Variants in SORCS3 observed in about 807,000 individuals in gnomAD.
The protein encoded by SORCS3 is sortilin related VPS10 domain containing receptor 3, also known as VPS10 domain-containing receptor SorCS3.
A neutral mutation model predicts 146.3 loss-of-function variants in SORCS3; 57 were observed. That is an observed-to-expected ratio of 0.39 (90% confidence interval 0.31 to 0.49). The LOEUF is 0.49. Ranked by LOEUF, SORCS3 falls within the 20% of genes least tolerant of loss-of-function variation. The probability of loss-of-function intolerance (pLI) is 0.92; values close to 1 mark genes in which losing one functional copy is unlikely to be tolerated. For missense variants in SORCS3, 1,341 were observed against 1,575.5 expected (o/e 0.85, Z 2.52); for synonymous variants, 653 against 618.5 (o/e 1.06, Z -0.83).
chr10:104,826,113 C>T (rs1020585030), intron 1 of SORCS3, among the ~76,000 whole-genome samples: 14 of 152,168 alleles, frequency 9.2e-5, no homozygotes, highest in Non-Finnish European at 1.0e-4. Context: ...TTCCTACTTG[C>T]ATGAGCGGGA....
chr10:104,697,711 A>C, intron 1 of SORCS3, among the ~76,000 whole-genome samples: 1 of 152,152 alleles, frequency 6.6e-6, no homozygotes, highest in Non-Finnish European at 1.5e-5. Context: ...TTCTGGCTTT[A>C]CATGACAAGG....
In SORCS3 at chr10:105,175,729, A is replaced by AT. The variant is rs527465134; in HGVS notation, c.1902-2330dup. Among the ~76,000 whole-genome samples the AT allele has an allele frequency of 1.1e-4, 16 of 152,156 alleles. 1 individual carries two copies. In the South Asian group the frequency reaches 1.4e-3, roughly 14 times the overall value. On this transcript the variant is annotated intron_variant, in intron 13 of 26. Transcript: ENST00000369701. Reference sequence around the variant, plus strand: ...TAAATGATTATTTAGCCTTCAATATATTTTTTTAAAAGGCTGAAATAATCA... The same window carrying AT: ...TAAATGATTATTTAGCCTTCAATATATTTTTTTTAAAAGGCTGAAATAATCA...
At chr10:104,940,399 C>A in intron 3 of SORCS3, among the ~76,000 whole-genome samples, 1 of 113,344 alleles carries the variant, frequency 8.8e-6, no homozygotes, top group Admixed American at 9.1e-5. Context: ...CCCCTCCCCC[C>A]ACCCCACAAC....
intron 4 of SORCS3, among the ~76,000 whole-genome samples, chr10:104,989,311 G>T (rs1313018213): frequency 2.6e-5 from 4 of 152,178 alleles, no homozygotes; most frequent in Non-Finnish European, 5.9e-5. Flanking sequence ...CAGATTATGC[G>T]AAGAATGGCA....
At chr10:105,217,712 G>A in intron 19 of SORCS3, 1 of 431,146 alleles carries the variant, frequency 2.3e-6, no homozygotes, top group Non-Finnish European at 4.7e-6. Flanking sequence ...CATTGCTATT[G>A]GCTGTTGCTT....
intron 16 of SORCS3, among the ~76,000 whole-genome samples, chr10:105,207,931 T>A (rs2056612364): frequency 6.6e-6 from 1 of 152,100 alleles, no homozygotes. Context: ...TTACCAGTAA[T>A]CCCTAGGGTT....
chr10:105,255,170 C>CAG lies in SORCS3; in HGVS notation c.3238-531_3238-530dup, dbSNP rs1165000047. 3.3e-5 allele frequency among the ~76,000 whole-genome samples: 4 copies of CAG among 120,392 alleles called. No individual in the cohort carries two copies. In the Admixed American group the frequency reaches 3.4e-4, roughly 10 times the overall value. 79.0% of individuals were successfully genotyped at this position (120,392 alleles called of 152,430 possible). A position where few individuals can be genotyped will look rare whatever the true frequency, so the allele number is the denominator to read the frequency against. On this transcript the variant is annotated intron_variant, in intron 23 of 26. Coordinates refer to ENST00000369701, the MANE Select transcript of SORCS3 (RefSeq NM_014978.3). The stretch of plus-strand genomic sequence containing the variant: ...CGCCACTGCACTCCAACCTGGGCGA[C>CAG]AGCGAGACTCAGTCTCAAAAAAAAA...
chr10:104,694,234 T>A lies in SORCS3; in HGVS notation c.627+52280T>A, dbSNP rs916503263. Among the ~76,000 whole-genome samples the A allele has an allele frequency of 4.6e-5, 7 of 151,614 alleles. 1 individual carries two copies. The highest frequency in any genetic ancestry group is 4.6e-4 in the Admixed American group (7 of 15,192). ...TTCAGCCCAAGTTTTAAAGGTGAGATGCAGAGCCAGAAACTGCCCTTCTCT... is the reference window on the plus strand; with the variant it reads ...TTCAGCCCAAGTTTTAAAGGTGAGAAGCAGAGCCAGAAACTGCCCTTCTCT... On this transcript the variant is annotated intron_variant, in intron 1 of 26. Transcript: ENST00000369701.
chr10:104,655,022 G>A (rs187276241), intron 1 of SORCS3, among the ~76,000 whole-genome samples: 1 of 152,304 alleles, frequency 6.6e-6, no homozygotes, highest in East Asian at 1.9e-4. Context: ...GGAGACCAAG[G>A]CAGACAGATT....
At chr10:105,080,188 A>G (rs1027825379) in intron 5 of SORCS3, among the ~76,000 whole-genome samples, 17 of 152,124 alleles carry the variant, frequency 1.1e-4, no homozygotes, top group Non-Finnish European at 2.9e-5. Context: ...GTGCATAGGT[A>G]TTCTATTTTC....
chr10:104,758,953 C>T (rs1023648873), intron 1 of SORCS3, among the ~76,000 whole-genome samples: 3 of 152,258 alleles, frequency 2.0e-5, no homozygotes, highest in African/African-American at 7.2e-5. Context: ...TTGTGTCTCC[C>T]TAGAATTTAC....
At chr10:105,016,298 A>C (rs1342184852) in intron 4 of SORCS3, among the ~76,000 whole-genome samples, 1 of 150,774 alleles carries the variant, frequency 6.6e-6, no homozygotes, top group African/African-American at 2.4e-5. Flanking sequence ...CTACAGGCAC[A>C]CACCACCACG....
At chr10:104,932,158 T>G (rs2019214857) in intron 3 of SORCS3, among the ~76,000 whole-genome samples, 1 of 152,220 alleles carries the variant, frequency 6.6e-6, no homozygotes, top group Non-Finnish European at 1.5e-5. Flanking sequence ...CCCAAGCTTG[T>G]AAAAAGTTAT....
At chr10:105,156,873 A>C (rs985289051) in intron 9 of SORCS3, among the ~76,000 whole-genome samples, 1 of 152,150 alleles carries the variant, frequency 6.6e-6, no homozygotes, top group African/African-American at 2.4e-5. Context: ...CCTATGGAAC[A>C]AAGTACAGAG....
intron 5 of SORCS3, among the ~76,000 whole-genome samples, chr10:105,055,623 T>G (rs548600170): frequency 6.6e-6 from 1 of 152,246 alleles, no homozygotes; most frequent in South Asian, 2.1e-4. Context: ...TAAGAGGAGA[T>G]AATTGGAATA....
At chr10:105,158,744 C>A (rs1007341227) in intron 10 of SORCS3, 148 bp from the exon 11 acceptor site, 2 of 611,672 alleles carry the variant, frequency 3.3e-6, no homozygotes, top group Admixed American at 5.8e-5. Context: ...ATCTCAGGTG[C>A]GGATATCTCC....
Position 105,201,273 on chromosome 10 carries a change from A to T in SORCS3, c.2261+20A>T. 1 of 1,596,954 alleles carries T rather than the reference A, an allele frequency of 6.3e-7. No homozygotes were observed. The highest frequency in any genetic ancestry group is 8.5e-7 in the Non-Finnish European group (1 of 1,173,120). ...CGAGTGGTGAGTTGTTTGGCATTTCATTACCAATTCCAACCAGGTCTTCAC... is the reference window on the plus strand; with the variant it reads ...CGAGTGGTGAGTTGTTTGGCATTTCTTTACCAATTCCAACCAGGTCTTCAC... On this transcript the variant is annotated intron_variant, in intron 16 of 26. Coordinates refer to ENST00000369701, the MANE Select transcript of SORCS3 (RefSeq NM_014978.3).
chr10:105,031,350 C>G (rs1156746987), intron 4 of SORCS3, among the ~76,000 whole-genome samples: 3 of 151,710 alleles, frequency 2.0e-5, no homozygotes, highest in Admixed American at 6.6e-5. Flanking sequence ...CACACACACA[C>G]ACACACACAC....
intron 7 of SORCS3, among the ~76,000 whole-genome samples, chr10:105,115,061 A>G (rs936712145): frequency 4.6e-5 from 7 of 152,144 alleles, no homozygotes; most frequent in African/African-American, 4.8e-5. Context: ...GCCAGGTGCA[A>G]TGGAGCATTG....
Sources: allele counts gnomAD v4.1 joint callset (sites outside exome capture counted in the v4.1 genomes callset), GRCh38; gene constraint gnomAD v4.1.1; transcripts MANE v1.5; gene names NCBI Gene and HGNC (gene_info 2026-07-23, HGNC 2026-07-21).